Variants in ZC3H12B observed in about 807,000 individuals in gnomAD.
ZC3H12B encodes the protein probable ribonuclease ZC3H12B.
In ZC3H12B, 7 loss-of-function variants were observed where a neutral mutation model predicts 43.9. That is an observed-to-expected ratio of 0.16 (90% CI 0.09 to 0.30). The LOEUF is 0.30. Among genes scored for constraint, ZC3H12B ranks in the 10% least tolerant of loss-of-function variants. ZC3H12B has a pLI of 1.00. For synonymous variants in ZC3H12B, 222 were observed against 241.7 expected, an observed-to-expected ratio of 0.92 and a Z score of 0.76; for missense variants, 475 against 670.2, an observed-to-expected ratio of 0.71 and a Z score of 3.22.
At chrX:65,232,614 G>C in the ZC3H12B span, among the ~76,000 whole-genome samples, 2 of 111,345 alleles carry the variant, frequency 1.8e-5, no homozygotes, top group Admixed American at 1.9e-4. Flanking sequence ...AAAACAAAAA[G>C]CAAGAAATTA....
the ZC3H12B span, among the ~76,000 whole-genome samples, chrX:65,049,058 G>C: frequency 9.0e-6 from 1 of 110,967 alleles, no homozygotes; most frequent in African/African-American, 3.3e-5. Flanking sequence ...TCCTTTTATA[G>C]TTTGGATATT....
intron 3 of ZC3H12B, among the ~76,000 whole-genome samples, chrX:65,456,112 A>G (rs1336668751): frequency 1.8e-5 from 2 of 111,540 alleles, no homozygotes; most frequent in Non-Finnish European, 3.8e-5. Context: ...GACAGGATCA[A>G]ATTCACACAT....
chrX:65,073,297 G>T, the ZC3H12B span, among the ~76,000 whole-genome samples: 1 of 112,558 alleles, frequency 8.9e-6, no homozygotes, highest in Non-Finnish European at 1.9e-5. Context: ...CCATGCTCTC[G>T]TAGGAAGCTG....
At chrX:65,280,267 T>C in the ZC3H12B span, among the ~76,000 whole-genome samples, 23 of 112,609 alleles carry the variant, frequency 2.0e-4, no homozygotes, top group African/African-American at 7.4e-4. Context: ...ATAAACATCA[T>C]GCATCACAGC....
chrX:65,087,211 T>A, the ZC3H12B span, among the ~76,000 whole-genome samples: 1 of 111,264 alleles, frequency 9.0e-6, no homozygotes, highest in Non-Finnish European at 1.9e-5. Flanking sequence ...TCTAGGTGAA[T>A]GCCCTCCTCA....
the ZC3H12B span, among the ~76,000 whole-genome samples, chrX:65,040,050 T>C: frequency 8.9e-6 from 1 of 112,075 alleles, no homozygotes; most frequent in African/African-American, 3.2e-5. Context: ...TTTGTATTTA[T>C]GTAGCATCTT....
chrX:65,479,971 T>A (rs1310671133), intron 3 of ZC3H12B, among the ~76,000 whole-genome samples: 1 of 112,534 alleles, frequency 8.9e-6, no homozygotes, highest in East Asian at 2.8e-4. Context: ...AGTTACAAAG[T>A]TATTTACTTG....
the ZC3H12B span, among the ~76,000 whole-genome samples, chrX:65,213,996 A>T: frequency 9.0e-6 from 1 of 111,277 alleles, no homozygotes; most frequent in African/African-American, 3.3e-5. Context: ...AATAAAAGTT[A>T]TGTTTACACA....
At position 65,404,383 on chromosome X, in the gene ZC3H12B, A is replaced by G. The variant is rs140919055; in HGVS notation, n.407+5679A>G. Reference sequence around the variant, plus strand: ...TTATCAATAATAATGTTGACTGTAAATGAACTAAAGTCTACAATCGAAATA... The same window carrying G: ...TTATCAATAATAATGTTGACTGTAAGTGAACTAAAGTCTACAATCGAAATA... On this transcript the variant is annotated intron_variant and non_coding_transcript_variant, in intron 3 of 5. Coordinates refer to the ZC3H12B transcript ENST00000617377. Among the ~76,000 whole-genome samples the G allele has an allele frequency of 3.6e-3, 406 of 112,226 alleles. 2 individuals are homozygous for G. The highest frequency in any genetic ancestry group is 0.012 in the African/African-American group (381 of 30,955).
At chrX:65,088,624 T>C in the ZC3H12B span, among the ~76,000 whole-genome samples, 1 of 112,260 alleles carries the variant, frequency 8.9e-6, no homozygotes. Flanking sequence ...AGATTCAGAA[T>C]GATGTATTGA....
At chrX:65,461,209 G>A (rs1178027917) in intron 3 of ZC3H12B, among the ~76,000 whole-genome samples, 2 of 112,042 alleles carry the variant, frequency 1.8e-5, no homozygotes, top group African/African-American at 3.2e-5. Flanking sequence ...GGAAACAACA[G>A]GTGCTGGAGA....
chrX:65,127,307 C>T, the ZC3H12B span, among the ~76,000 whole-genome samples: 25 of 111,717 alleles, frequency 2.2e-4, no homozygotes, highest in East Asian at 4.0e-3. Context: ...TGCCAGACTC[C>T]AGGCTAGCAC....
chrX:65,324,016 A>G, the ZC3H12B span, among the ~76,000 whole-genome samples: 1 of 111,250 alleles, frequency 9.0e-6, no homozygotes, highest in African/African-American at 3.3e-5. Flanking sequence ...CTCTTCATAT[A>G]CTTTGCCCAC....
At chrX:65,344,376 T>C in the ZC3H12B span, among the ~76,000 whole-genome samples, 1 of 111,495 alleles carries the variant, frequency 9.0e-6, no homozygotes, top group African/African-American at 3.3e-5. Flanking sequence ...AACAGACACA[T>C]AGACCAATGG....
the ZC3H12B span, among the ~76,000 whole-genome samples, chrX:65,338,981 C>A: frequency 8.9e-6 from 1 of 112,060 alleles, no homozygotes; most frequent in Non-Finnish European, 1.9e-5. Flanking sequence ...CACTTTTACT[C>A]AACATAGTAC....
the ZC3H12B span, among the ~76,000 whole-genome samples, chrX:65,190,613 G>T: frequency 2.6e-4 from 28 of 106,918 alleles, no homozygotes; most frequent in African/African-American, 9.6e-4. Flanking sequence ...TGTTGTTGGT[G>T]TATAAGAATG....
chrX:65,506,900 TACAAA>T (rs769942005), exon 5 of ZC3H12B: 1 of 111,243 alleles, frequency 9.0e-6, no homozygotes, highest in Non-Finnish European at 1.9e-5. Flanking sequence ...GGAAATGGTC[TACAAA>T]ACTTTTCTTC....
At chrX:65,299,304 A>C in the ZC3H12B span, among the ~76,000 whole-genome samples, 1 of 112,162 alleles carries the variant, frequency 8.9e-6, no homozygotes, top group Non-Finnish European at 1.9e-5. Context: ...CGTCATTACT[A>C]TAAGGCCTAC....
At chrX:65,186,861 A>G in the ZC3H12B span, among the ~76,000 whole-genome samples, 1 of 112,009 alleles carries the variant, frequency 8.9e-6, no homozygotes, top group African/African-American at 3.2e-5. Context: ...GAATGCCATT[A>G]TTTCATTCCT....
Sources: gnomAD v4.1 joint callset for allele counts (sites outside exome capture counted in the v4.1 genomes callset) on GRCh38, gnomAD v4.1.1 for gene constraint, MANE v1.5 for transcripts, NCBI Gene and HGNC (gene_info 2026-07-23, HGNC 2026-07-21) for gene names.